PIP4K2A: variants seen among roughly 807,000 people sequenced by gnomAD.
PIP4K2A encodes phosphatidylinositol 5-phosphate 4-kinase type-2 alpha.
Under a neutral mutation model 42.9 loss-of-function variants are expected in PIP4K2A, and 14 were observed. The ratio of observed to expected loss-of-function variants is 0.33; its 90% CI spans 0.22 to 0.51. The LOEUF (loss-of-function observed/expected upper bound fraction) is 0.51. PIP4K2A is among the 20% of genes least tolerant of loss of function. The probability of loss-of-function intolerance (pLI) is 0.97; values close to 1 mark genes in which losing one functional copy is unlikely to be tolerated. For synonymous variants in PIP4K2A, 192 were observed against 192.2 expected (o/e 1.00, Z 0.01); for missense variants, 434 against 519.8 (o/e 0.83, Z 1.61).
At chr10:22,680,798 C>A (rs1032680891) in intron 1 of PIP4K2A, among the ~76,000 whole-genome samples, 4 of 152,138 alleles carry the variant, frequency 2.6e-5, no homozygotes, top group African/African-American at 9.7e-5. Context: ...GAAGGACATG[C>A]CATCCCAAAA....
intron 1 of PIP4K2A, among the ~76,000 whole-genome samples, chr10:22,638,064 A>G (rs1750770): frequency 0.3 from 46,027 of 152,096 alleles, 10,864 homozygotes; most frequent in African/African-American, 0.66. Flanking sequence ...ACAGTCCCCC[A>G]GGACCAAAGA....
intron 1 of PIP4K2A, among the ~76,000 whole-genome samples, chr10:22,662,573 C>T (rs746596323): frequency 3.3e-5 from 5 of 152,184 alleles, no homozygotes; most frequent in Non-Finnish European, 5.9e-5. Context: ...CAGGGTACAT[C>T]ACTGTTTATC....
rs919195489 is a variant in PIP4K2A at position 22,671,731 on chromosome 10, A to C, written c.144+42452T>G. On this transcript the variant is annotated intron_variant, in intron 1 of 9. Coordinates refer to ENST00000376573, the MANE Select transcript of PIP4K2A (RefSeq NM_005028.5). Reference sequence around the variant, plus strand: ...CACTATTAATTGCCTGAATTTTCTGATTTACTTGGAAAATACACACACACA... The same window carrying C: ...CACTATTAATTGCCTGAATTTTCTGCTTTACTTGGAAAATACACACACACA... Among the ~76,000 whole-genome samples, 4 of 137,042 alleles carry C rather than the reference A, an allele frequency of 2.9e-5. No individual in the cohort carries two copies. In the East Asian group the frequency reaches 7.8e-4, roughly 27 times the overall value. The allele number at this position is 137,042 out of a possible 152,430, so 89.9% of individuals were successfully genotyped here. A position where few individuals can be genotyped will look rare whatever the true frequency, so the allele number is the denominator to read the frequency against.
intron 1 of PIP4K2A, among the ~76,000 whole-genome samples, chr10:22,697,857 C>T (rs1028407812): frequency 8.5e-5 from 13 of 152,094 alleles, no homozygotes; most frequent in African/African-American, 3.1e-4. Flanking sequence ...GTCCATAGGT[C>T]GAGTCTAACG....
At chr10:22,690,627 ACCC>A (rs1238538139) in intron 1 of PIP4K2A, among the ~76,000 whole-genome samples, 11 of 152,140 alleles carry the variant, frequency 7.2e-5, no homozygotes, top group African/African-American at 2.7e-4. Flanking sequence ...GGGAGGAAAA[ACCC>A]TAAGATTCAA....
chr10:22,585,966 G>C (rs546148183), intron 4 of PIP4K2A, among the ~76,000 whole-genome samples: 1,459 of 138,178 alleles, frequency 0.011, 30 homozygotes, highest in African/African-American at 0.038. Context: ...ACGTCAGTGC[G>C]GGGAAAAAAA....
rs143451356 is a variant in PIP4K2A at position 22,571,257 on chromosome 10, A to C, written c.639+2054T>G. On this transcript the variant is annotated intron_variant, in intron 5 of 9. Coordinates refer to ENST00000376573, the MANE Select transcript of PIP4K2A (RefSeq NM_005028.5). ...GGCATGTGACTGATGTTTGCTACAA[A>C]ATGAATGAAGCTGCTAGGCTCCCCT... Among the ~76,000 whole-genome samples the C allele has an allele frequency of 3.6e-3, 545 of 152,328 alleles. 1 individual carries two copies. The highest frequency in any genetic ancestry group is 0.013 in the African/African-American group (531 of 41,588).
intron 4 of PIP4K2A, among the ~76,000 whole-genome samples, chr10:22,575,892 C>T (rs1267032364): frequency 6.6e-6 from 1 of 151,386 alleles, no homozygotes; most frequent in African/African-American, 2.4e-5. Context: ...GAGCCGAGAT[C>T]GTGCCACTGT....
chr10:22,629,937 T>C (rs1326101076), intron 1 of PIP4K2A, among the ~76,000 whole-genome samples: 2 of 152,164 alleles, frequency 1.3e-5, no homozygotes, highest in Non-Finnish European at 2.9e-5. Flanking sequence ...TTTCACTAGA[T>C]GACAAAAGGA....
At chr10:22,685,466 AG>A (rs1249369074) in intron 1 of PIP4K2A, among the ~76,000 whole-genome samples, 1 of 152,176 alleles carries the variant, frequency 6.6e-6, no homozygotes, top group African/African-American at 2.4e-5. Flanking sequence ...AGGCTGAGGC[AG>A]GAGGATCACT....
intron 3 of PIP4K2A, among the ~76,000 whole-genome samples, chr10:22,602,439 AAAAAG>A (rs377427210): frequency 4.6e-5 from 7 of 151,720 alleles, no homozygotes; most frequent in East Asian, 1.9e-4. Flanking sequence ...AAGAAAAAGA[AAAAAG>A]AAAAGAAAAG....
rs1001155968 is a variant in PIP4K2A at position 22,674,712 on chromosome 10, G to A, written c.144+39471C>T. ...ATCCCAGCACTTTGGGAGGCTAAAC[G>A]TGGGAGGATGCTTGAGGCCAAGATT... On this transcript the variant is annotated intron_variant, in intron 1 of 9. Transcript: ENST00000376573. 2.6e-5 allele frequency among the ~76,000 whole-genome samples: 4 copies of A among 151,740 alleles called. No homozygotes were observed. In the South Asian group the frequency reaches 6.3e-4, roughly 24 times the overall value.
chr10:22,690,784 A>T (rs997732655), intron 1 of PIP4K2A, among the ~76,000 whole-genome samples: 1 of 152,242 alleles, frequency 6.6e-6, no homozygotes, highest in African/African-American at 2.4e-5. Flanking sequence ...CTAGAATCTG[A>T]AATAGTCTGG....
chr10:22,548,662 C>T (rs958408592), intron 7 of PIP4K2A, among the ~76,000 whole-genome samples: 1 of 152,132 alleles, frequency 6.6e-6, no homozygotes, highest in African/African-American at 2.4e-5. Flanking sequence ...CCACTCACAA[C>T]TGAGGAAAAC....
intron 1 of PIP4K2A, chr10:22,713,980 G>T: frequency 1.9e-6 from 1 of 514,250 alleles, no homozygotes; most frequent in South Asian, 2.4e-5. Context: ...AGATCTAAAG[G>T]GGACGCAAGT....
intron 1 of PIP4K2A, among the ~76,000 whole-genome samples, chr10:22,660,467 T>C (rs1839184422): frequency 6.6e-6 from 1 of 151,618 alleles, no homozygotes; most frequent in East Asian, 1.9e-4. Context: ...TGAGACTCCA[T>C]CTCAAAAAAA....
At chr10:22,609,003 C>T (rs1837970879) in intron 2 of PIP4K2A, among the ~76,000 whole-genome samples, 1 of 152,202 alleles carries the variant, frequency 6.6e-6, no homozygotes, top group African/African-American at 2.4e-5. Flanking sequence ...GCACACACCC[C>T]TCCCTTATCA....
intron 1 of PIP4K2A, among the ~76,000 whole-genome samples, chr10:22,682,334 C>T (rs2130881433): frequency 6.6e-6 from 1 of 152,326 alleles, no homozygotes. Context: ...CTACTCATTT[C>T]CTCTGCCAGG....
chr10:22,567,942 C>T, intron 5 of PIP4K2A, 53 bp from the exon 6 acceptor site: 1 of 1,508,940 alleles, frequency 6.6e-7, no homozygotes, highest in Non-Finnish European at 9.2e-7. Flanking sequence ...TTGGGTTTCA[C>T]ACGCAGAAAA....
Sources: gnomAD v4.1 joint callset for allele counts (sites outside exome capture counted in the v4.1 genomes callset) on GRCh38, gnomAD v4.1.1 for gene constraint, MANE v1.5 for transcripts, NCBI Gene and HGNC (gene_info 2026-07-23, HGNC 2026-07-21) for gene names.